RYR3: variants seen among roughly 807,000 people sequenced by gnomAD.
RYR3 encodes brain ryanodine receptor-calcium release channel.
A neutral mutation model predicts 584.3 loss-of-function variants in RYR3; 207 were observed. The ratio of observed to expected loss-of-function variants is 0.35; its 90% CI spans 0.32 to 0.40. The LOEUF is 0.40. Among genes scored for constraint, RYR3 ranks in the 10% least tolerant of loss-of-function variants. The probability of loss-of-function intolerance (pLI) is 1.00; values close to 1 mark genes in which losing one functional copy is unlikely to be tolerated. For missense variants in RYR3, 5,616 were observed against 6,089.2 expected (o/e 0.92, Z 2.59); for synonymous variants, 2,416 against 2,248.5 (o/e 1.07, Z -2.11).
intron 5 of RYR3, among the ~76,000 whole-genome samples, chr15:33,536,471 C>A (rs1357932218): frequency 4.6e-5 from 7 of 152,214 alleles, no homozygotes; most frequent in African/African-American, 1.7e-4. Flanking sequence ...AGCATACCCA[C>A]ACTAAAAGTG....
chr15:33,865,030 A>C, intron 103 of RYR3, 101 bp from the exon 104 acceptor site: 1 of 792,180 alleles, frequency 1.3e-6, no homozygotes, highest in South Asian at 1.7e-5. Flanking sequence ...ATATAAATTC[A>C]CATCAGTCTT....
At chr15:33,836,803 G>A in intron 87 of RYR3, 103 bp from the exon 88 acceptor site, 1 of 785,040 alleles carries the variant, frequency 1.3e-6, no homozygotes, top group Non-Finnish European at 2.1e-6. Context: ...CGACACTGAT[G>A]CAGCCTGCAC....
chr15:33,400,385 C>G (rs949081394), intron 1 of RYR3, among the ~76,000 whole-genome samples: 1 of 152,186 alleles, frequency 6.6e-6, no homozygotes, highest in African/African-American at 2.4e-5. Context: ...CACACACACA[C>G]TATAGGCTGC....
chr15:33,668,164 G>T, intron 36 of RYR3, among the ~76,000 whole-genome samples: 1 of 134,668 alleles, frequency 7.4e-6, no homozygotes. Context: ...AAAAAAAAAA[G>T]AAATCAGCCG....
At chr15:33,651,759 T>TA (rs1472647728) in intron 31 of RYR3, among the ~76,000 whole-genome samples, 6 of 152,210 alleles carry the variant, frequency 3.9e-5, no homozygotes, top group Non-Finnish European at 1.5e-5. Context: ...CTAAGATGTT[T>TA]AAAGGGGCTG....
At chr15:33,626,169 A>G (rs541331396) in intron 20 of RYR3, among the ~76,000 whole-genome samples, 4 of 152,342 alleles carry the variant, frequency 2.6e-5, no homozygotes, top group African/African-American at 7.2e-5. Context: ...TGGCCTCAAC[A>G]AGGGTTCCAA....
chr15:33,726,453 A>G lies in RYR3; in HGVS notation c.6980A>G (p.Glu2327Gly), dbSNP rs2152814999. 6.2e-7 allele frequency: 1 copy of G among 1,609,766 alleles called. No individual in the cohort carries two copies. Among genetic ancestry groups the G allele is most frequent in the Middle Eastern group, 1.7e-4 (1 of 6,056 alleles). Reference sequence around the variant, plus strand: ...ATCCTGCGCTCCCTGGTCCCCACAGAAGACCTGGTTGGGATCATCAGCATC... The same window carrying G: ...ATCCTGCGCTCCCTGGTCCCCACAGGAGACCTGGTTGGGATCATCAGCATC... ...RSILRSLVPT[E>G]DLVGIISIPL... Residue 2327 changes from glutamate (E) to glycine (G), a missense_variant, in exon 46 of 104, where the codon GAA (glutamate) becomes GGA (glycine). Glu to Gly is a moderately conservative substitution (Grantham distance 98). Coordinates refer to ENST00000634891, the MANE Select transcript of RYR3 (RefSeq NM_001036.6).
chr15:33,838,994 C>A lies in RYR3; in HGVS notation c.12978+36C>A, dbSNP rs762219345. 5.1e-6 allele frequency: 8 copies of A among 1,575,546 alleles called. No individual in the cohort carries two copies. In the African/African-American group the frequency reaches 8.2e-5, roughly 16 times the overall value. ...TTTGTTTCTTTCATCTTCCTTTATCCCCAGAATAAGACTTGCCACCATATC... is the reference window on the plus strand; with the variant it reads ...TTTGTTTCTTTCATCTTCCTTTATCACCAGAATAAGACTTGCCACCATATC... On this transcript the variant is annotated intron_variant, in intron 89 of 103. Transcript: ENST00000634891.
chr15:33,586,584 G>A (rs2058858086), intron 16 of RYR3, among the ~76,000 whole-genome samples: 1 of 152,208 alleles, frequency 6.6e-6, no homozygotes, highest in Admixed American at 6.5e-5. Flanking sequence ...ACCAAATGAA[G>A]TAAATGAATC....
intron 69 of RYR3, chr15:33,802,201 C>G: frequency 1.6e-6 from 1 of 627,842 alleles, no homozygotes; most frequent in Non-Finnish European, 3.0e-6. Context: ...AGTTTCAAGA[C>G]TTGCCTAAGG....
intron 2 of RYR3, among the ~76,000 whole-genome samples, chr15:33,482,286 T>C (rs960257381): frequency 4.6e-5 from 7 of 152,242 alleles, no homozygotes; most frequent in African/African-American, 1.7e-4. Flanking sequence ...TTTGCCTCCA[T>C]TGTTTATGAT....
At chr15:33,791,361 GACACACACAC>G (rs3086244) in intron 67 of RYR3, among the ~76,000 whole-genome samples, 2 of 150,602 alleles carry the variant, frequency 1.3e-5, no homozygotes, top group Admixed American at 1.3e-4. Flanking sequence ...GACTGTGTGT[GACACACACAC>G]ACACACACAC....
intron 16 of RYR3, among the ~76,000 whole-genome samples, chr15:33,589,461 A>G (rs575587784): frequency 6.6e-6 from 1 of 152,204 alleles, no homozygotes; most frequent in African/African-American, 2.4e-5. Flanking sequence ...TTTTTAATTT[A>G]ATTAAGTCCC....
intron 93 of RYR3, chr15:33,847,364 C>T (rs995878457): frequency 4.6e-5 from 7 of 152,184 alleles, no homozygotes; most frequent in Non-Finnish European, 1.0e-4. Context: ...ACATGCATAT[C>T]ATGGGTTTGG....
intron 32 of RYR3, among the ~76,000 whole-genome samples, chr15:33,654,759 T>C (rs181013709): frequency 3.9e-5 from 6 of 152,198 alleles, no homozygotes; most frequent in Admixed American, 3.9e-4. Context: ...CATCCAACAG[T>C]TTTTCAGGGT....
intron 3 of RYR3, among the ~76,000 whole-genome samples, chr15:33,514,492 T>A (rs548754208): frequency 2.0e-5 from 3 of 152,094 alleles, no homozygotes; most frequent in Admixed American, 2.0e-4. Context: ...CTCTGCTGAC[T>A]CCTGAGTCCT....
intron 1 of RYR3, among the ~76,000 whole-genome samples, chr15:33,358,462 A>C (rs1974291832): frequency 6.6e-6 from 1 of 152,178 alleles, no homozygotes; most frequent in African/African-American, 2.4e-5. Context: ...GACAGGGTTG[A>C]AATGCATCAA....
intron 60 of RYR3, among the ~76,000 whole-genome samples, chr15:33,765,677 A>G (rs2072989107): frequency 6.6e-6 from 1 of 152,034 alleles, no homozygotes; most frequent in African/African-American, 2.4e-5. Context: ...AAATAGTCTA[A>G]AAACGCTTTC....
At chr15:33,458,420 C>T (rs554107456) in intron 1 of RYR3, among the ~76,000 whole-genome samples, 14 of 152,314 alleles carry the variant, frequency 9.2e-5, no homozygotes, top group African/African-American at 3.1e-4. Context: ...CTACTTATGT[C>T]ACCAGCTTTC....
Sources: allele counts gnomAD v4.1 joint callset (sites outside exome capture counted in the v4.1 genomes callset), GRCh38; gene constraint gnomAD v4.1.1; transcripts MANE v1.5; gene names NCBI Gene and HGNC (gene_info 2026-07-23, HGNC 2026-07-21).